AUTS2: variants seen among roughly 807,000 people sequenced by gnomAD.
AUTS2 encodes the protein autism susceptibility gene 2 protein.
Under a neutral mutation model 112.4 loss-of-function variants are expected in AUTS2, and 17 were observed. That is an observed-to-expected ratio of 0.15 (90% CI 0.10 to 0.23). AUTS2 has a LOEUF of 0.23. AUTS2 is among the 10% of genes least tolerant of loss of function. AUTS2 has a pLI of 1.00. For missense variants in AUTS2, 1,510 were observed against 1,701.6 expected (o/e 0.89, Z 1.98); for synonymous variants, 751 against 702.7 (o/e 1.07, Z -1.09).
chr7:70,265,345 G>A (rs1219631057), intron 4 of AUTS2, among the ~76,000 whole-genome samples: 1 of 152,086 alleles, frequency 6.6e-6, no homozygotes, highest in Non-Finnish European at 1.5e-5. Context: ...CTAGTTTCTT[G>A]TGAATTAAGT....
intron 1 of AUTS2, among the ~76,000 whole-genome samples, chr7:69,806,531 A>G (rs1790316478): frequency 6.6e-6 from 1 of 152,102 alleles, no homozygotes; most frequent in African/African-American, 2.4e-5. Context: ...CAGCGGTGCC[A>G]TCACGGCTTA....
chr7:69,600,933 C>G (rs1396585292), intron 1 of AUTS2, among the ~76,000 whole-genome samples: 1 of 150,010 alleles, frequency 6.7e-6, no homozygotes, highest in Non-Finnish European at 1.5e-5. Flanking sequence ...GCACCTGCAG[C>G]GTTGATTTTC....
Position 70,042,592 on chromosome 7 carries a change from C to T in AUTS2, c.523-75540C>T, listed in dbSNP as rs145684741. On this transcript the variant is annotated intron_variant, in intron 2 of 18. Coordinates refer to ENST00000342771, the MANE Select transcript of AUTS2 (RefSeq NM_015570.4). ...AGAGGTTTAAAGTAAGGCACTGCCT[C>T]GTCGTCCTATAGCTAATATTTTTCC... Among the ~76,000 whole-genome samples, 448 of 152,296 alleles carry T rather than the reference C, an allele frequency of 2.9e-3. 1 individual carries two copies. Among genetic ancestry groups the T allele is most frequent in the African/African-American group, 7.5e-3 (312 of 41,558 alleles).
intron 5 of AUTS2, among the ~76,000 whole-genome samples, chr7:70,535,760 T>C (rs1286903984): frequency 6.6e-6 from 1 of 152,218 alleles, no homozygotes; most frequent in Non-Finnish European, 1.5e-5. Flanking sequence ...AGTGGTGATC[T>C]GGGAGCCACT....
chr7:69,822,830 C>T (rs1210235020), intron 1 of AUTS2, among the ~76,000 whole-genome samples: 1 of 152,156 alleles, frequency 6.6e-6, no homozygotes, highest in Non-Finnish European at 1.5e-5. Flanking sequence ...CCCATGAGAT[C>T]ATACATATGG....
At chr7:70,618,212 C>T (rs1186461634) in intron 5 of AUTS2, among the ~76,000 whole-genome samples, 4 of 152,172 alleles carry the variant, frequency 2.6e-5, no homozygotes, top group African/African-American at 9.7e-5. Context: ...GCGCTGGTCC[C>T]GTGAGACCTG....
intron 4 of AUTS2, chr7:70,294,259 A>G (rs1383264628): frequency 2.0e-5 from 3 of 152,206 alleles, no homozygotes; most frequent in Non-Finnish European, 4.4e-5. Context: ...CAAAAATCAC[A>G]TCTGTTTAGG....
rs540368335 is a variant in AUTS2, at chr7:69,774,837, A to C, written c.310-124449A>C. ...AGTAGGTCTAGGATAGAGTCCAATAATTTTTTTTTTAATTAATGCCCCAGG... is the reference window on the plus strand; with the variant it reads ...AGTAGGTCTAGGATAGAGTCCAATACTTTTTTTTTTAATTAATGCCCCAGG... On this transcript the variant is annotated intron_variant, in intron 1 of 18. Coordinates refer to ENST00000342771, the MANE Select transcript of AUTS2 (RefSeq NM_015570.4). Among the ~76,000 whole-genome samples, 4 of 150,710 alleles carry C rather than the reference A, an allele frequency of 2.7e-5. No individual in the cohort carries two copies. The South Asian group carries it at 8.4e-4, about 32-fold the overall frequency.
chr7:69,787,245 A>G (rs1789418618), intron 1 of AUTS2, among the ~76,000 whole-genome samples: 1 of 152,238 alleles, frequency 6.6e-6, no homozygotes, highest in Non-Finnish European at 1.5e-5. Flanking sequence ...GGTTTCTCAA[A>G]ACATCTTTAC....
At chr7:70,700,121 C>G (rs143809070) in intron 6 of AUTS2, among the ~76,000 whole-genome samples, 1 of 152,294 alleles carries the variant, frequency 6.6e-6, no homozygotes, top group Admixed American at 6.5e-5. Context: ...ATGAACAGCT[C>G]GCCTCTGCCT....
intron 2 of AUTS2, among the ~76,000 whole-genome samples, chr7:69,990,331 C>T (rs1029585650): frequency 1.9e-4 from 29 of 152,210 alleles, no homozygotes; most frequent in Admixed American, 1.8e-3. Flanking sequence ...ATATGCTTAC[C>T]AATTTTGTTC....
At chr7:70,254,288 A>G (rs1786746210) in intron 4 of AUTS2, among the ~76,000 whole-genome samples, 1 of 152,236 alleles carries the variant, frequency 6.6e-6, no homozygotes, top group Non-Finnish European at 1.5e-5. Flanking sequence ...AATAAAATAT[A>G]AAGTATAATC....
At chr7:69,607,317 C>T (rs1792783465) in intron 1 of AUTS2, among the ~76,000 whole-genome samples, 1 of 152,212 alleles carries the variant, frequency 6.6e-6, no homozygotes, top group African/African-American at 2.4e-5. Flanking sequence ...CCACCTCCCT[C>T]CTTTCCTCCC....
Position 70,379,222 on chromosome 7 carries a change from G to A in AUTS2, c.661-56530G>A, listed in dbSNP as rs143227888. Among the ~76,000 whole-genome samples the A allele has an allele frequency of 4.1e-3, 627 of 152,192 alleles. 3 individuals are homozygous for A. Among genetic ancestry groups the A allele is most frequent in the African/African-American group, 0.014 (569 of 41,524 alleles). On this transcript the variant is annotated intron_variant, in intron 4 of 18. Coordinates refer to ENST00000342771, the MANE Select transcript of AUTS2 (RefSeq NM_015570.4). ...CATGTTGAAAAACTATTATTAGGGC[G>A]GGCACGGTGGCTCACGTCTGTAATC...
intron 2 of AUTS2, among the ~76,000 whole-genome samples, chr7:70,089,631 T>G (rs1803802887): frequency 6.6e-6 from 1 of 152,196 alleles, no homozygotes. Flanking sequence ...TGGTTATGTT[T>G]ATATATTTTA....
chr7:70,790,910 G>A lies in AUTS2; in HGVS notation c.3694G>A (p.Val1232Ile). 1 of 1,585,378 alleles carries A rather than the reference G, an allele frequency of 6.3e-7. No homozygotes were observed. Among genetic ancestry groups the A allele is most frequent in the South Asian group, 1.2e-5 (1 of 85,292 alleles). Residue 1232 changes from valine to isoleucine, a missense_variant, in exon 19 of 19, where the codon GTC becomes ATC. Val to Ile is a conservative substitution (Grantham distance 29). Around this residue, in one of 3 missense-constraint regions of AUTS2, gnomAD observed 788 missense variants for 797.6 expected, o/e 0.99. Coordinates refer to ENST00000342771, the MANE Select transcript of AUTS2 (RefSeq NM_015570.4). This position sits in a 1 kb window ranked among gnomAD's most constrained non-coding sequence, Gnocchi z 7.6. ...PLISTLGGRP[V>I]SPRRTTPLSA... ...CATCTCCACGCTGGGGGGCCGCCCG[G>A]TCTCTCCCAGAAGGACGACTCCTCT...
intron 4 of AUTS2, among the ~76,000 whole-genome samples, chr7:70,415,713 G>T (rs1794960618): frequency 6.6e-6 from 1 of 152,148 alleles, no homozygotes; most frequent in African/African-American, 2.4e-5. Flanking sequence ...TGTTTTGGGT[G>T]GAGAGACATC....
At chr7:70,218,104 G>A (rs936445782) in intron 4 of AUTS2, among the ~76,000 whole-genome samples, 2 of 152,218 alleles carry the variant, frequency 1.3e-5, no homozygotes, top group African/African-American at 4.8e-5. Flanking sequence ...TCTGGTGTCT[G>A]CAAGAAAACA....
At chr7:70,595,495 T>C (rs927944652) in intron 5 of AUTS2, among the ~76,000 whole-genome samples, 1 of 152,092 alleles carries the variant, frequency 6.6e-6, no homozygotes, top group African/African-American at 2.4e-5. Flanking sequence ...TTCAGAGTTC[T>C]CGGTGCACTG....
Sources: allele counts gnomAD v4.1 joint callset (sites outside exome capture counted in the v4.1 genomes callset), GRCh38; gene constraint gnomAD v4.1.1; regional missense constraint gnomAD v4.1.1; non-coding constraint Gnocchi (gnomAD v3.1); transcripts MANE v1.5; gene names NCBI Gene and HGNC (gene_info 2026-07-23, HGNC 2026-07-21).